The following FMN2 variants were observed in gnomAD, a reference collection of about 807,000 sequenced individuals.
FMN2 encodes formin-2.
In FMN2, 51 loss-of-function variants were observed where a neutral mutation model predicts 142.3. That is an observed-to-expected ratio of 0.36 (90% CI 0.29 to 0.45). FMN2 has a LOEUF of 0.45. Among genes scored for constraint, FMN2 ranks in the 20% least tolerant of loss-of-function variants. The probability of loss-of-function intolerance (pLI) is 1.00; values close to 1 mark genes in which losing one functional copy is unlikely to be tolerated. For synonymous variants in FMN2, 882 were observed against 869.8 expected (o/e 1.01, Z -0.25); for missense variants, 1,936 against 2,122.8 (o/e 0.91, Z 1.73).
At position 240,474,219 on chromosome 1, in the gene FMN2, AGT is replaced by A. The variant is rs371083983; in HGVS notation, c.*67_*68del. ...TTTCACAAAATTCAGCTGACCTGAG[AGT>A]GGGAGGGAAACTACCGTCATTCTGC... is the stretch of plus-strand genomic sequence containing the variant. On this transcript the variant is annotated 3_prime_UTR_variant, in exon 18 of 18. Transcript: ENST00000319653. The A allele has an allele frequency of 1.2e-5, 17 of 1,423,674 alleles. 1 individual carries two copies. Among genetic ancestry groups the A allele is most frequent in the African/African-American group, 8.9e-5 (6 of 67,330 alleles). 88.2% of individuals were successfully genotyped at this position (1,423,674 alleles called of 1,614,324 possible).
intron 13 of FMN2, among the ~76,000 whole-genome samples, chr1:240,337,133 A>AT (rs1671591700): frequency 6.6e-6 from 1 of 150,434 alleles, no homozygotes; most frequent in African/African-American, 2.4e-5. Context: ...GGATTATGTT[A>AT]TTTTAGGAAC....
At chr1:240,188,733 A>G (rs1487996155) in intron 4 of FMN2, among the ~76,000 whole-genome samples, 1 of 152,154 alleles carries the variant, frequency 6.6e-6, no homozygotes, top group Non-Finnish European at 1.5e-5. Flanking sequence ...CTGTTACTGT[A>G]TTAGTCCGTT....
intron 1 of FMN2, among the ~76,000 whole-genome samples, chr1:240,113,571 A>AT (rs1456077409): frequency 4.0e-5 from 6 of 151,430 alleles, no homozygotes; most frequent in Admixed American, 2.6e-4. Flanking sequence ...AAAAAAAAAA[A>AT]AAAAAAAATA....
At chr1:240,265,916 T>TG (rs980565877) in intron 7 of FMN2, among the ~76,000 whole-genome samples, 5 of 103,934 alleles carry the variant, frequency 4.8e-5, no homozygotes, top group Middle Eastern at 4.4e-3. Flanking sequence ...TAAAGGGGTT[T>TG]GTTTTTTTTT....
chr1:240,167,144 CAAAA>C (rs1046282066), intron 2 of FMN2, among the ~76,000 whole-genome samples: 1 of 151,108 alleles, frequency 6.6e-6, no homozygotes, highest in Non-Finnish European at 1.5e-5. Flanking sequence ...TAACAAAAAA[CAAAA>C]AAAACCAAAA....
At chr1:240,256,799 G>A (rs181884392) in intron 6 of FMN2, among the ~76,000 whole-genome samples, 8 of 152,180 alleles carry the variant, frequency 5.3e-5, no homozygotes, top group African/African-American at 1.2e-4. Flanking sequence ...AGTGGTTTTC[G>A]TGGTTGGTCC....
chr1:240,276,286 G>A (rs1246996353), intron 7 of FMN2, among the ~76,000 whole-genome samples: 1 of 152,166 alleles, frequency 6.6e-6, no homozygotes, highest in Non-Finnish European at 1.5e-5. Context: ...TTTAACAAGG[G>A]TTGAGGTCTT....
chr1:240,465,754 T>C (rs1316816865), intron 16 of FMN2, among the ~76,000 whole-genome samples: 2 of 152,246 alleles, frequency 1.3e-5, no homozygotes, highest in Non-Finnish European at 2.9e-5. Context: ...TTCGATTGAA[T>C]GATGAAAGCA....
intron 8 of FMN2, among the ~76,000 whole-genome samples, chr1:240,314,899 C>T (rs1207680744): frequency 6.6e-6 from 1 of 152,142 alleles, no homozygotes; most frequent in African/African-American, 2.4e-5. Flanking sequence ...CATTAACAAG[C>T]CTTTTAGCTT....
At chr1:240,196,481 G>A (rs555283571) in intron 4 of FMN2, among the ~76,000 whole-genome samples, 1 of 152,094 alleles carries the variant, frequency 6.6e-6, no homozygotes, top group Non-Finnish European at 1.5e-5. Flanking sequence ...CTGTGGAGGT[G>A]GGGCCCAGCA....
chr1:240,175,527 G>T (rs12723259), intron 2 of FMN2, among the ~76,000 whole-genome samples: 12,516 of 152,056 alleles, frequency 0.082, 579 homozygotes, highest in African/African-American at 0.12. Context: ...ATAGGGCCTT[G>T]CTCTTTTGCT....
intron 8 of FMN2, among the ~76,000 whole-genome samples, chr1:240,327,126 T>C (rs954074910): frequency 4.6e-5 from 7 of 152,214 alleles, no homozygotes; most frequent in Non-Finnish European, 8.8e-5. Flanking sequence ...GTAAGATTAC[T>C]GTGCAATTGA....
At chr1:240,271,441 T>G (rs74149401) in intron 7 of FMN2, among the ~76,000 whole-genome samples, 40,223 of 149,036 alleles carry the variant, frequency 0.27, 5,638 homozygotes, top group Middle Eastern at 0.35. Flanking sequence ...TTAATGAAAC[T>G]CAAGCTTATA....
At chr1:240,297,615 A>G (rs1001302879) in intron 8 of FMN2, among the ~76,000 whole-genome samples, 2 of 150,276 alleles carry the variant, frequency 1.3e-5, no homozygotes, top group Non-Finnish European at 3.0e-5. Flanking sequence ...AAAAAAAAAA[A>G]AGAATATTTT....
intron 8 of FMN2, among the ~76,000 whole-genome samples, chr1:240,311,199 G>GGTA (rs1355912535): frequency 6.6e-6 from 1 of 152,132 alleles, no homozygotes; most frequent in Non-Finnish European, 1.5e-5. Flanking sequence ...AGATTACTAG[G>GGTA]GTAGTAGTTG....
chr1:240,306,755 A>C (rs2102981213), intron 8 of FMN2, among the ~76,000 whole-genome samples: 1 of 152,292 alleles, frequency 6.6e-6, no homozygotes, highest in South Asian at 2.1e-4. Context: ...TTTCCTTTGA[A>C]TATATACCCA....
chr1:240,285,188 G>T (rs1004942268), intron 7 of FMN2: 5 of 455,042 alleles, frequency 1.1e-5, no homozygotes, highest in African/African-American at 1.0e-4. Context: ...GGGTGGTAGG[G>T]GTGGGTGTGG....
Position 240,151,075 on chromosome 1 carries a change from C to T in FMN2, c.1783-26846C>T, listed in dbSNP as rs144161323. Among the ~76,000 whole-genome samples the T allele has an allele frequency of 2.0e-4, 30 of 152,232 alleles. No homozygotes were observed. The East Asian group carries it at 5.0e-3, about 25-fold the overall frequency. ...TGGATAAATATCCTGGTTTCTAAGTCCCAATTGTTATGTTGATTTAAGGGC... is the reference window on the plus strand; with the variant it reads ...TGGATAAATATCCTGGTTTCTAAGTTCCAATTGTTATGTTGATTTAAGGGC... On this transcript the variant is annotated intron_variant, in intron 2 of 17. Transcript: ENST00000319653.
chr1:240,348,062 G>A (rs751061677), intron 13 of FMN2, among the ~76,000 whole-genome samples: 5 of 152,008 alleles, frequency 3.3e-5, no homozygotes, highest in Non-Finnish European at 5.9e-5. Flanking sequence ...GCATATATAC[G>A]CAGTAATTGG....
Sources: gnomAD v4.1 joint callset for allele counts (sites outside exome capture counted in the v4.1 genomes callset) on GRCh38, gnomAD v4.1.1 for gene constraint, MANE v1.5 for transcripts, NCBI Gene and HGNC (gene_info 2026-07-23, HGNC 2026-07-21) for gene names.